SARS1: variants seen among roughly 807,000 people sequenced by gnomAD.
SARS1 encodes seryl-tRNA synthetase 1.
In SARS1, 25 loss-of-function variants were observed where a neutral mutation model predicts 63.7. The observed-to-expected ratio is 0.39, with a 90% CI of 0.29 to 0.55. The LOEUF (loss-of-function observed/expected upper bound fraction) is 0.55, where lower values mean the gene tolerates loss of function less well. SARS1 is among the 20% of genes least tolerant of loss of function. The pLI is 0.62. For synonymous variants in SARS1, 231 were observed against 243.5 expected, an observed-to-expected ratio of 0.95 and a Z score of 0.48; for missense variants, 417 against 649.7, an observed-to-expected ratio of 0.64 and a Z score of 3.89.
intron 4 of SARS1, 30 bp from the exon 5 acceptor site, chr1:109,230,839 ATATGTCTTG>A: frequency 5.2e-6 from 8 of 1,533,210 alleles, no homozygotes; most frequent in Non-Finnish European, 7.0e-6. Flanking sequence ...TAATAAAATC[ATATGTCTTG>A]TATGTCTCTT....
chr1:109,215,829 C>G (rs1264576293), intron 1 of SARS1: 1 of 349,114 alleles, frequency 2.9e-6, no homozygotes, highest in East Asian at 1.7e-4. Context: ...CCTCAGCCTC[C>G]AAGTAGCTGG....
chr1:109,220,153 T>C (rs1171789399), intron 1 of SARS1, among the ~76,000 whole-genome samples: 5 of 152,252 alleles, frequency 3.3e-5, no homozygotes, highest in Non-Finnish European at 4.4e-5. Context: ...CAAATACTTA[T>C]ATTTTGTGAT....
rs774387994 is a variant in SARS1 at position 109,237,824 on chromosome 1, A to AAGC, written c.1489_1491dup (p.Ala497dup). On this transcript the variant is annotated inframe_insertion, in exon 11 of 11. Transcript: ENST00000234677. This position sits in a 1 kb window ranked among gnomAD's most constrained non-coding sequence, Gnocchi z 4.1. ...AAGCAACATGAGGGCAGCAAAAAGA[A>AAGC]AGCAGCAGCAAGAGACGTCACCCTA... 6.2e-6 allele frequency: 10 copies of AAGC among 1,614,196 alleles called. No homozygotes were observed. In the South Asian group the frequency reaches 1.1e-4, roughly 18 times the overall value.
At chr1:109,230,430 A>G (rs565121186) in intron 4 of SARS1, among the ~76,000 whole-genome samples, 3 of 152,272 alleles carry the variant, frequency 2.0e-5, no homozygotes, top group African/African-American at 7.2e-5. Flanking sequence ...GAGACACAGT[A>G]GTGTTTGAGT....
chr1:109,237,077 A>G lies in SARS1; in HGVS notation c.1258-167A>G, dbSNP rs1024392135. 11 of 1,229,344 alleles carry G rather than the reference A, an allele frequency of 8.9e-6. No individual in the cohort carries two copies. In the African/African-American group the frequency reaches 1.5e-4, roughly 17 times the overall value. 76.2% of individuals were successfully genotyped at this position (1,229,344 alleles called of 1,614,324 possible). On this transcript the variant is annotated intron_variant, in intron 9 of 10. Transcript: ENST00000234677. This position sits in a 1 kb window ranked among gnomAD's most constrained non-coding sequence, Gnocchi z 4.1. The stretch of plus-strand genomic sequence containing the variant: ...TCTGCAGTTATCTAATAGGCAATAA[A>G]TACCAAATAATTCAAATTTAGAAAA...
chr1:109,220,294 A>G (rs1207183469), intron 1 of SARS1, among the ~76,000 whole-genome samples: 1 of 152,252 alleles, frequency 6.6e-6, no homozygotes, highest in Non-Finnish European at 1.5e-5. Flanking sequence ...GATAATACCA[A>G]GTAGTTTTCC....
chr1:109,216,143 A>G (rs771138436), intron 1 of SARS1: 1 of 985,326 alleles, frequency 1.0e-6, no homozygotes, highest in Non-Finnish European at 1.2e-6. Flanking sequence ...GCAGATTTAT[A>G]TCAAGGTTCT....
rs114743131 is a variant in SARS1, at chr1:109,216,261, A to G, written c.136+2133A>G. ...GAACTCAGATCATGCTCCCTAATTG[A>G]GGACACATAGCAAGCTTCACCAAGC... On this transcript the variant is annotated intron_variant, in intron 1 of 10. Coordinates refer to ENST00000234677, the MANE Select transcript of SARS1 (RefSeq NM_006513.4). 640 of 985,370 alleles carry G rather than the reference A, an allele frequency of 6.5e-4. 4 individuals carry two copies. The African/African-American group carries it at 0.01, about 15-fold the overall frequency. The allele number at this position is 985,370 out of a possible 1,614,324, so 61.0% of individuals were successfully genotyped here. A position where few individuals can be genotyped will look rare whatever the true frequency, so the allele number is the denominator to read the frequency against.
intron 3 of SARS1, 138 bp downstream of exon 3, chr1:109,228,570 C>T (rs745943214): frequency 1.3e-4 from 81 of 621,470 alleles, no homozygotes; most frequent in Admixed American, 1.1e-3. Context: ...TGTCCCCACC[C>T]ATTCTTGTTA....
At chr1:109,222,876 G>A (rs1271860617) in intron 1 of SARS1, among the ~76,000 whole-genome samples, 1 of 152,186 alleles carries the variant, frequency 6.6e-6, no homozygotes, top group African/African-American at 2.4e-5. Flanking sequence ...TTAGCTGGGT[G>A]TGGTGGCGCA....
chr1:109,216,871 C>T, intron 1 of SARS1: 1 of 951,616 alleles, frequency 1.1e-6, no homozygotes, highest in Non-Finnish European at 1.3e-6. Context: ...GATCCTCCCA[C>T]CTCGGCCTCC....
At chr1:109,226,697 T>TATATACAC (rs1183766306) in intron 2 of SARS1, among the ~76,000 whole-genome samples, 8 of 104,144 alleles carry the variant, frequency 7.7e-5, no homozygotes, top group African/African-American at 1.9e-4. Context: ...TATATATATA[T>TATATACAC]ACACACACAC....
At chr1:109,230,558 G>A (rs1655187044) in intron 4 of SARS1, among the ~76,000 whole-genome samples, 1 of 152,182 alleles carries the variant, frequency 6.6e-6, no homozygotes, top group Non-Finnish European at 1.5e-5. Context: ...TATAATCCCA[G>A]CACTTTGGGA....
intron 2 of SARS1, among the ~76,000 whole-genome samples, chr1:109,226,677 A>AAAATATATATAT (rs1178056468): frequency 1.1e-3 from 51 of 44,950 alleles, no homozygotes; most frequent in African/African-American, 3.9e-3. Context: ...AAAAAAAAAA[A>AAAATATATATAT]ATATATATAT....
intron 1 of SARS1, among the ~76,000 whole-genome samples, chr1:109,221,309 T>C (rs1412640549): frequency 1.3e-5 from 2 of 152,156 alleles, no homozygotes; most frequent in Non-Finnish European, 2.9e-5. Flanking sequence ...TCCGCCCGCC[T>C]CGGCCTCCCA....
intron 1 of SARS1, among the ~76,000 whole-genome samples, chr1:109,218,631 C>A (rs1411001305): frequency 6.6e-6 from 1 of 152,150 alleles, no homozygotes; most frequent in Non-Finnish European, 1.5e-5. Flanking sequence ...CTACCACTTC[C>A]CACATAGGGC....
intron 8 of SARS1, 92 bp from the exon 9 acceptor site, chr1:109,236,299 G>A: frequency 7.2e-7 from 1 of 1,385,082 alleles, no homozygotes; most frequent in East Asian, 2.3e-5. Flanking sequence ...CTGGAGACAG[G>A]ACATGAATTA....
intron 1 of SARS1, among the ~76,000 whole-genome samples, chr1:109,221,302 G>T (rs1277928): frequency 6.6e-6 from 1 of 151,852 alleles, no homozygotes; most frequent in Non-Finnish European, 1.5e-5. Context: ...CTCATGATCC[G>T]CCCGCCTCGG....
intron 1 of SARS1, chr1:109,215,189 G>A (rs1007032255): frequency 2.4e-5 from 24 of 985,314 alleles, no homozygotes; most frequent in Non-Finnish European, 2.9e-5. Flanking sequence ...GCCCTCTATT[G>A]TAGTAGTTTG....
Sources: gnomAD v4.1 joint callset for allele counts (sites outside exome capture counted in the v4.1 genomes callset) on GRCh38, gnomAD v4.1.1 for gene constraint, Gnocchi (gnomAD v3.1) non-coding constraint, MANE v1.5 for transcripts, NCBI Gene and HGNC (gene_info 2026-07-23, HGNC 2026-07-21) for gene names.